The following SPATA17 variants were observed in gnomAD, a reference collection of about 807,000 sequenced individuals.
SPATA17 encodes spermatogenesis-associated protein 17.
A neutral mutation model predicts 62.2 loss-of-function variants in SPATA17; 53 were observed. The observed-to-expected ratio is 0.85, with a 90% confidence interval of 0.68 to 1.07. The LOEUF is 1.07. SPATA17 is among the 50% of genes least tolerant of loss of function. The probability of loss-of-function intolerance (pLI) is 0.00; values close to 1 mark genes in which losing one functional copy is unlikely to be tolerated. For missense variants in SPATA17, 466 were observed against 425.5 expected (o/e 1.10, Z -0.84); for synonymous variants, 146 against 146.8 (o/e 0.99, Z 0.04).
At chr1:217,798,068 GA>G (rs1482946987) in intron 8 of SPATA17, among the ~76,000 whole-genome samples, 1 of 152,126 alleles carries the variant, frequency 6.6e-6, no homozygotes, top group Non-Finnish European at 1.5e-5. Context: ...GATCTTTTGA[GA>G]ATGTGCTAAA....
chr1:217,800,388 G>A (rs2102987101), intron 8 of SPATA17, among the ~76,000 whole-genome samples: 2 of 150,516 alleles, frequency 1.3e-5, no homozygotes, highest in Admixed American at 1.3e-4. Context: ...TAAGAGACGA[G>A]CAGGGAAAGA....
chr1:217,635,016 C>G (rs1398278081), intron 1 of SPATA17, among the ~76,000 whole-genome samples: 1 of 150,776 alleles, frequency 6.6e-6, no homozygotes, highest in Non-Finnish European at 1.5e-5. Flanking sequence ...GTCATTTATA[C>G]TATACACTAC....
chr1:217,790,025 G>A lies in SPATA17; in HGVS notation c.872+7703G>A, dbSNP rs1020802073. On this transcript the variant is annotated intron_variant, in intron 8 of 10. Coordinates refer to ENST00000366933, the MANE Select transcript of SPATA17 (RefSeq NM_138796.4). ...GCAACTCCAGCCTGGGTGACAGAGCGAGACGCTGTCTCAAAATTTAAAAAA... is the reference window on the plus strand; with the variant it reads ...GCAACTCCAGCCTGGGTGACAGAGCAAGACGCTGTCTCAAAATTTAAAAAA... Among the ~76,000 whole-genome samples, 13 of 152,150 alleles carry A rather than the reference G, an allele frequency of 8.5e-5. No homozygotes were observed. In the South Asian group the frequency reaches 1.0e-3, roughly 12 times the overall value.
intron 6 of SPATA17, among the ~76,000 whole-genome samples, chr1:217,766,599 C>A (rs1379333210): frequency 1.3e-5 from 2 of 151,764 alleles, no homozygotes; most frequent in Non-Finnish European, 2.9e-5. Flanking sequence ...ACAAACTGTT[C>A]TCTATTAGAT....
rs563738604 is a variant in SPATA17 at position 217,668,115 on chromosome 1, AT to A, written c.241-916del. ...GATTTTTGCCTGAAACATAACAATT[AT>A]TACCTGGGCTCAAGTTATAGTGAAT... On this transcript the variant is annotated intron_variant, in intron 3 of 10. Transcript: ENST00000366933. Among the ~76,000 whole-genome samples the A allele has an allele frequency of 2.1e-3, 321 of 152,352 alleles. 2 individuals carry two copies. Among genetic ancestry groups the A allele is most frequent in the Admixed American group, 0.015 (222 of 15,304 alleles).
At chr1:217,850,261 C>T (rs1675617288) in intron 9 of SPATA17, 1 of 295,272 alleles carries the variant, frequency 3.4e-6, no homozygotes, top group East Asian at 7.3e-5. Flanking sequence ...TTTAATGCTA[C>T]CATGCAACAA....
chr1:217,790,102 C>T (rs1260631292), intron 8 of SPATA17, among the ~76,000 whole-genome samples: 2 of 152,112 alleles, frequency 1.3e-5, no homozygotes, highest in Non-Finnish European at 2.9e-5. Context: ...GGAATGACTT[C>T]CCCCAAGCCC....
rs1004855440 is a variant in SPATA17, at chr1:217,801,388, C to T, written c.873-330C>T. Among the ~76,000 whole-genome samples, 4 of 152,246 alleles carry T rather than the reference C, an allele frequency of 2.6e-5. No individual in the cohort carries two copies. The South Asian group carries it at 8.3e-4, about 32-fold the overall frequency. On this transcript the variant is annotated intron_variant, in intron 8 of 10. Coordinates refer to ENST00000366933, the MANE Select transcript of SPATA17 (RefSeq NM_138796.4). ...AGGGATACTATTTTAAAATTAAGAA[C>T]ATTTTCATTTATATGATGAATTTTG...
At chr1:217,733,206 T>G (rs901368526) in intron 5 of SPATA17, among the ~76,000 whole-genome samples, 2 of 152,210 alleles carry the variant, frequency 1.3e-5, no homozygotes, top group Non-Finnish European at 2.9e-5. Context: ...TCAAACTGTC[T>G]TGTCTATAGA....
chr1:217,849,028 A>G (rs957110001), intron 9 of SPATA17, among the ~76,000 whole-genome samples: 1 of 152,156 alleles, frequency 6.6e-6, no homozygotes, highest in South Asian at 2.1e-4. Flanking sequence ...TAATGGATGC[A>G]ATATCCTTTC....
chr1:217,856,946 G>T (rs1285962587), intron 9 of SPATA17, among the ~76,000 whole-genome samples: 2 of 152,120 alleles, frequency 1.3e-5, no homozygotes, highest in African/African-American at 4.8e-5. Flanking sequence ...TTGAAGTCTC[G>T]TTCAGGATAT....
At chr1:217,759,574 C>T (rs1383972855) in intron 6 of SPATA17, among the ~76,000 whole-genome samples, 1 of 152,086 alleles carries the variant, frequency 6.6e-6, no homozygotes, top group South Asian at 2.1e-4. Flanking sequence ...ATGCTTTGCT[C>T]AGTATGGCAG....
intron 6 of SPATA17, among the ~76,000 whole-genome samples, chr1:217,748,371 T>A (rs1303116539): frequency 1.3e-5 from 2 of 151,720 alleles, no homozygotes; most frequent in East Asian, 3.9e-4. Context: ...TGAAAAACAG[T>A]TTTATAAGAC....
At chr1:217,809,339 T>C (rs1674523420) in intron 9 of SPATA17, among the ~76,000 whole-genome samples, 1 of 152,182 alleles carries the variant, frequency 6.6e-6, no homozygotes, top group Non-Finnish European at 1.5e-5. Flanking sequence ...TAAATGTTGA[T>C]GATAATATCT....
intron 6 of SPATA17, among the ~76,000 whole-genome samples, chr1:217,744,450 G>A (rs1482172423): frequency 3.1e-5 from 1 of 32,340 alleles, no homozygotes; most frequent in Non-Finnish European, 9.9e-5. Flanking sequence ...GCGACAGAGC[G>A]AGACTCCGTC....
intron 6 of SPATA17, among the ~76,000 whole-genome samples, chr1:217,755,617 A>G (rs779727854): frequency 6.6e-6 from 1 of 152,030 alleles, no homozygotes; most frequent in Non-Finnish European, 1.5e-5. Context: ...TTATTCAGCA[A>G]TATTTTCCAT....
chr1:217,801,813 T>C lies in SPATA17; in HGVS notation c.968T>C (p.Phe323Ser). The part of the protein sequence containing the change: ...KYGPISYKEQ[F>S]RSENPKKWIC... ...GGTCCTATTTCTTACAAAGAACAATTCCGAAGTGAAAATCCTAAGAAATGG... is the reference window on the plus strand; with the variant it reads ...GGTCCTATTTCTTACAAAGAACAATCCCGAAGTGAAAATCCTAAGAAATGG... The change falls in exon 9 of 11, where the codon TTC becomes TCC. Residue 323 changes from phenylalanine (F) to serine (S), a missense_variant. By Grantham distance (155) the Phe-to-Ser change is radical. Coordinates refer to ENST00000366933, the MANE Select transcript of SPATA17 (RefSeq NM_138796.4). The C allele has an allele frequency of 6.2e-7, 1 of 1,610,924 alleles. No individual in the cohort carries two copies. Among genetic ancestry groups the C allele is most frequent in the Non-Finnish European group, 8.5e-7 (1 of 1,179,018 alleles).
At chr1:217,689,857 C>A (rs535191729) in intron 5 of SPATA17, among the ~76,000 whole-genome samples, 1 of 151,600 alleles carries the variant, frequency 6.6e-6, no homozygotes, top group Admixed American at 6.6e-5. Context: ...AACCCCTGTA[C>A]CATCACAGAA....
chr1:217,741,938 A>G (rs1571772355), intron 5 of SPATA17, 37 bp from the exon 6 acceptor site: 1 of 1,612,188 alleles, frequency 6.2e-7, no homozygotes, highest in Non-Finnish European at 8.5e-7. Flanking sequence ...ATGTTAACAC[A>G]TAGTATCATA....
Sources: gnomAD v4.1 joint callset for allele counts (sites outside exome capture counted in the v4.1 genomes callset) on GRCh38, gnomAD v4.1.1 for gene constraint, MANE v1.5 for transcripts, NCBI Gene and HGNC (gene_info 2026-07-23, HGNC 2026-07-21) for gene names.